Variants in CNTNAP2 observed in about 807,000 individuals in gnomAD.
CNTNAP2 encodes the protein contactin-associated protein-like 2.
A neutral mutation model predicts 155.2 loss-of-function variants in CNTNAP2; 98 were observed. The observed-to-expected ratio is 0.63, with a 90% confidence interval of 0.54 to 0.75. CNTNAP2 has a LOEUF of 0.75. CNTNAP2 is among the 30% of genes least tolerant of loss of function. The pLI, the probability that CNTNAP2 is intolerant of heterozygous loss-of-function variation, is 0.00. For synonymous variants in CNTNAP2, 651 were observed against 631.2 expected (o/e 1.03, Z -0.47); for missense variants, 1,727 against 1,688.1 (o/e 1.02, Z -0.40).
chr7:147,654,348 T>C (rs1795493762), intron 13 of CNTNAP2, among the ~76,000 whole-genome samples: 1 of 152,226 alleles, frequency 6.6e-6, no homozygotes, highest in Admixed American at 6.5e-5. Context: ...AAAAATATAT[T>C]CTAAACCTGA....
chr7:146,785,792 T>C (rs1802565616), intron 2 of CNTNAP2, among the ~76,000 whole-genome samples: 1 of 152,238 alleles, frequency 6.6e-6, no homozygotes, highest in Admixed American at 6.5e-5. Flanking sequence ...ACTTCCAATA[T>C]TGTAGAACAG....
intron 10 of CNTNAP2, among the ~76,000 whole-genome samples, chr7:147,457,234 A>G (rs910497595): frequency 5.3e-5 from 8 of 152,208 alleles, no homozygotes; most frequent in Non-Finnish European, 8.8e-5. Flanking sequence ...TGGAAGTTGT[A>G]AAGGAGTTCT....
intron 10 of CNTNAP2, among the ~76,000 whole-genome samples, chr7:147,470,699 T>C (rs1342259713): frequency 2.0e-5 from 3 of 152,124 alleles, no homozygotes; most frequent in Non-Finnish European, 2.9e-5. Flanking sequence ...CATTAAGTGA[T>C]TGAGGACGAC....
intron 8 of CNTNAP2, among the ~76,000 whole-genome samples, chr7:147,174,473 G>C (rs1388932449): frequency 2.0e-5 from 3 of 152,046 alleles, no homozygotes; most frequent in Non-Finnish European, 4.4e-5. Context: ...GCAAAACTGA[G>C]AGCCAGACAA....
intron 8 of CNTNAP2, among the ~76,000 whole-genome samples, chr7:147,150,391 T>C (rs2129289186): frequency 6.6e-6 from 1 of 152,282 alleles, no homozygotes; most frequent in South Asian, 2.1e-4. Flanking sequence ...AACAGTATTG[T>C]AATTTTGTTA....
chr7:147,298,246 G>T (rs1263972052), intron 8 of CNTNAP2, among the ~76,000 whole-genome samples: 1 of 152,032 alleles, frequency 6.6e-6, no homozygotes. Context: ...CTGACATGGT[G>T]AAACCATGTC....
chr7:147,201,548 G>A (rs1161992900), intron 8 of CNTNAP2, among the ~76,000 whole-genome samples: 1 of 152,132 alleles, frequency 6.6e-6, no homozygotes, highest in African/African-American at 2.4e-5. Context: ...ACAGTCTTCT[G>A]CATAGCTCCT....
At chr7:148,396,915 G>T (rs1799480678) in intron 22 of CNTNAP2, among the ~76,000 whole-genome samples, 1 of 152,182 alleles carries the variant, frequency 6.6e-6, no homozygotes, top group South Asian at 2.1e-4. Context: ...TAGAAAATAA[G>T]ATGAATTGTT....
chr7:148,099,298 A>G (rs1243355284), intron 15 of CNTNAP2, among the ~76,000 whole-genome samples: 2 of 152,186 alleles, frequency 1.3e-5, no homozygotes, highest in African/African-American at 4.8e-5. Context: ...TAATGCCATT[A>G]TCATAGATTT....
chr7:147,194,625 A>T (rs1802746798), intron 8 of CNTNAP2, among the ~76,000 whole-genome samples: 1 of 152,076 alleles, frequency 6.6e-6, no homozygotes, highest in Non-Finnish European at 1.5e-5. Flanking sequence ...TTCTCACTGG[A>T]ATGAGATGGT....
intron 9 of CNTNAP2, among the ~76,000 whole-genome samples, chr7:147,301,641 TGTGTTC>T: frequency 1.4e-5 from 2 of 142,224 alleles, no homozygotes; most frequent in South Asian, 4.7e-4. Context: ...TGTGTGTGTG[TGTGTTC>T]TAGTTTTTAG....
chr7:148,137,554 C>T (rs1041381701), intron 16 of CNTNAP2, among the ~76,000 whole-genome samples: 6 of 151,984 alleles, frequency 3.9e-5, no homozygotes, highest in Non-Finnish European at 7.4e-5. Flanking sequence ...CCCAGCCACT[C>T]GGGAGGTTGA....
intron 18 of CNTNAP2, among the ~76,000 whole-genome samples, chr7:148,180,167 G>A (rs1276956787): frequency 1.3e-5 from 2 of 152,220 alleles, no homozygotes; most frequent in Non-Finnish European, 2.9e-5. Context: ...TACCTATCCA[G>A]TCTTAATAAT....
At chr7:147,348,375 CAA>C (rs60230891) in intron 9 of CNTNAP2, among the ~76,000 whole-genome samples, 11,241 of 148,630 alleles carry the variant, frequency 0.076, 678 homozygotes, top group East Asian at 0.31. Flanking sequence ...ATACAAATAG[CAA>C]AAAAAAAAAT....
intron 10 of CNTNAP2, among the ~76,000 whole-genome samples, chr7:147,396,979 A>G (rs1796826910): frequency 6.6e-6 from 1 of 152,076 alleles, no homozygotes; most frequent in African/African-American, 2.4e-5. Flanking sequence ...CTCAAAAATG[A>G]ATTTTACAAA....
intron 20 of CNTNAP2, among the ~76,000 whole-genome samples, chr7:148,266,806 C>T (rs945441432): frequency 9.9e-5 from 15 of 152,056 alleles, no homozygotes; most frequent in African/African-American, 3.4e-4. Flanking sequence ...CCTGGAGAGC[C>T]GTTCATAAAG....
At chr7:146,995,414 A>C (rs1051778631) in intron 3 of CNTNAP2, among the ~76,000 whole-genome samples, 13 of 151,994 alleles carry the variant, frequency 8.6e-5, no homozygotes, top group African/African-American at 2.9e-4. Flanking sequence ...CATCCATACT[A>C]TTTTCTATAA....
chr7:147,069,120 C>A (rs1283907073), intron 4 of CNTNAP2, among the ~76,000 whole-genome samples: 1 of 152,160 alleles, frequency 6.6e-6, no homozygotes, highest in Non-Finnish European at 1.5e-5. Flanking sequence ...ATTCACTCAT[C>A]ACCCGGGGAA....
intron 18 of CNTNAP2, among the ~76,000 whole-genome samples, chr7:148,210,192 G>C (rs1056284454): frequency 6.6e-6 from 1 of 152,178 alleles, no homozygotes; most frequent in African/African-American, 2.4e-5. Flanking sequence ...CCTGGCCAAG[G>C]TCAAAAAGCG....
Sources: gnomAD v4.1 joint callset for allele counts (sites outside exome capture counted in the v4.1 genomes callset) on GRCh38, gnomAD v4.1.1 for gene constraint, MANE v1.5 for transcripts, NCBI Gene and HGNC (gene_info 2026-07-23, HGNC 2026-07-21) for gene names.